MFNG: variants seen among roughly 807,000 people sequenced by gnomAD.
MFNG encodes MFNG O-fucosylpeptide 3-beta-N-acetylglucosaminyltransferase, also known as beta-1,3-N-acetylglucosaminyltransferase manic fringe.
Under a neutral mutation model 34.2 loss-of-function variants are expected in MFNG, and 24 were observed. That is an observed-to-expected ratio of 0.70 (90% CI 0.51 to 0.99). The LOEUF is 0.99. Ranked by LOEUF, MFNG falls within the 50% of genes least tolerant of loss-of-function variation. The pLI, the probability that MFNG is intolerant of heterozygous loss-of-function variation, is 0.00. For missense variants in MFNG, 383 were observed against 424.0 expected (o/e 0.90, Z 0.85); for synonymous variants, 158 against 179.2 (o/e 0.88, Z 0.94).
intron 4 of MFNG, among the ~76,000 whole-genome samples, chr22:37,477,549 C>T (rs375170350): frequency 2.2e-4 from 34 of 152,122 alleles, no homozygotes; most frequent in African/African-American, 7.5e-4. Context: ...CAGGTTCAAG[C>T]GATTCTCCAG....
rs769569519 is a variant in MFNG at position 37,480,788 on chromosome 22, G to A, written c.256-19C>T. On this transcript the variant is annotated intron_variant, in intron 1 of 7. Transcript: ENST00000356998. ...CAAATGTCTAGGAAGGAGAAGAAGG[G>A]GTCAGGACTCACATCGGCCCAAGGG... 7 of 1,612,028 alleles carry A rather than the reference G, an allele frequency of 4.3e-6. No individual in the cohort carries two copies. Among genetic ancestry groups the A allele is most frequent in the Non-Finnish European group, 5.9e-6 (7 of 1,179,118 alleles).
Position 37,470,991 on chromosome 22 carries a change from A to G in MFNG, c.900-962T>C, listed in dbSNP as rs138424778. On this transcript the variant is annotated intron_variant, in intron 7 of 7. Coordinates refer to ENST00000356998, the MANE Select transcript of MFNG (RefSeq NM_002405.4). Reference sequence around the variant, plus strand: ...CTCCTGCTAGCCCTTCAGGTCCTTCACGTTACCTCCTCACAGAAGCCTTCC... The same window carrying G: ...CTCCTGCTAGCCCTTCAGGTCCTTCGCGTTACCTCCTCACAGAAGCCTTCC... Among the ~76,000 whole-genome samples, 193 of 152,106 alleles carry G rather than the reference A, an allele frequency of 1.3e-3. 1 individual carries two copies. Among genetic ancestry groups the G allele is most frequent in the African/African-American group, 4.5e-3 (186 of 41,480 alleles).
At chr22:37,477,289 G>C (rs1922085728) in intron 4 of MFNG, among the ~76,000 whole-genome samples, 2 of 152,178 alleles carry the variant, frequency 1.3e-5, no homozygotes, top group Non-Finnish European at 2.9e-5. Flanking sequence ...CCCTGAGAAA[G>C]GTCTCTACCT....
intron 5 of MFNG, among the ~76,000 whole-genome samples, chr22:37,474,926 G>C (rs1921973603): frequency 6.6e-6 from 1 of 152,240 alleles, no homozygotes; most frequent in African/African-American, 2.4e-5. Context: ...GGAATGGGAA[G>C]GTGATGCCCT....
chr22:37,480,046 G>C, intron 3 of MFNG, 151 bp downstream of exon 3: 2 of 559,622 alleles, frequency 3.6e-6, no homozygotes, highest in Non-Finnish European at 3.1e-6. Context: ...ACCCAATCCT[G>C]AATGTCAGGA....
chr22:37,474,788 G>T, intron 5 of MFNG, 111 bp from the exon 6 acceptor site: 2 of 1,187,768 alleles, frequency 1.7e-6, no homozygotes, highest in Non-Finnish European at 2.4e-6. Context: ...CAGAGCACCT[G>T]CCTCCTGCAT....
Position 37,469,976 on chromosome 22 carries a change from A to G in MFNG, c.953T>C (p.Leu318Pro). The change falls in exon 8 of 8, where the codon CTG becomes CCG. Residue 318 changes from leucine to proline, a missense_variant. By Grantham distance (98) the Leu-to-Pro change is moderately conservative (BLOSUM62 -3). Transcript: ENST00000356998. ...LYPDTPWCPQ[L>P]GAR ...GCAGTTCAGGATTCATCGGGCACCCAGCTGGGGACACCAGGGTGTATCTGG... is the reference window on the plus strand; with the variant it reads ...GCAGTTCAGGATTCATCGGGCACCCGGCTGGGGACACCAGGGTGTATCTGG... 1 of 1,608,072 alleles carries G rather than the reference A, an allele frequency of 6.2e-7. No homozygotes were observed. Among genetic ancestry groups the G allele is most frequent in the South Asian group, 1.1e-5 (1 of 89,746 alleles).
intron 5 of MFNG, among the ~76,000 whole-genome samples, chr22:37,476,646 G>A (rs1437741136): frequency 3.9e-5 from 6 of 152,266 alleles, no homozygotes; most frequent in South Asian, 4.1e-4. Flanking sequence ...ATGTGCCGAC[G>A]GGGGGACTGG....
Position 37,486,230 on chromosome 22 carries a change from G to A in MFNG, c.-53C>T, listed in dbSNP as rs929622316. On this transcript the variant is annotated 5_prime_UTR_variant, in exon 1 of 8. Coordinates refer to ENST00000356998, the MANE Select transcript of MFNG (RefSeq NM_002405.4). ...CAGCCCCCAAATCCCAACCAGACAGGGAGGGGAAGCTGGTCAGGCAGGGGC... is the reference window on the plus strand; with the variant it reads ...CAGCCCCCAAATCCCAACCAGACAGAGAGGGGAAGCTGGTCAGGCAGGGGC... 1.3e-5 allele frequency: 19 copies of A among 1,464,576 alleles called. No homozygotes were observed. The African/African-American group carries it at 1.6e-4, about 12-fold the overall frequency. The allele number at this position is 1,464,576 out of a possible 1,614,324, so 90.7% of individuals were successfully genotyped here.
intron 1 of MFNG, chr22:37,484,402 G>C (rs1922443366): frequency 7.6e-6 from 1 of 130,880 alleles, no homozygotes; most frequent in African/African-American, 2.6e-5. Flanking sequence ...AAGGGTGAGA[G>C]ACGTGGGGTA....
chr22:37,479,651 G>A (rs560542110), intron 3 of MFNG, among the ~76,000 whole-genome samples, 153 bp from the exon 4 acceptor site: 1 of 152,296 alleles, frequency 6.6e-6, no homozygotes, highest in South Asian at 2.1e-4. Context: ...GTTGCATATT[G>A]TGTAAGCTCA....
Position 37,479,502 on chromosome 22 carries a change from T to A in MFNG, c.408-4A>T, listed in dbSNP as rs1922193313. 1.2e-6 allele frequency: 2 copies of A among 1,609,058 alleles called. No homozygotes were observed. The highest frequency in any genetic ancestry group is 2.7e-5 in the African/African-American group (2 of 74,476). On this transcript the variant is annotated splice_region_variant and splice_polypyrimidine_tract_variant and intron_variant, in intron 3 of 7. Transcript: ENST00000356998. ...ATCGTCCACATGGCAGAACCACCTG[T>A]AGGGATGAAACGGGGACAGTGAACT...
chr22:37,478,960 T>C (rs911002768), intron 4 of MFNG, among the ~76,000 whole-genome samples: 1 of 152,174 alleles, frequency 6.6e-6, no homozygotes, highest in African/African-American at 2.4e-5. Context: ...ATTACAGGCA[T>C]GAGCCACTGC....
At chr22:37,474,453 G>A (rs955011195) in intron 6 of MFNG, 59 bp downstream of exon 6, 13 of 1,583,868 alleles carry the variant, frequency 8.2e-6, no homozygotes, top group Non-Finnish European at 1.0e-5. Context: ...GGGTTGGGGG[G>A]ACCCCATGTT....
Position 37,485,554 on chromosome 22 carries a change from C to T in MFNG, c.255+369G>A, listed in dbSNP as rs1316098558. Among the ~76,000 whole-genome samples, 1 of 152,186 alleles carries T rather than the reference C, an allele frequency of 6.6e-6. No homozygotes were observed. The highest frequency in any genetic ancestry group is 2.4e-5 in the African/African-American group (1 of 41,442). ...AGGCCTCCACCCCAGCTGCCCAACA[C>T]CCACCATTACCCCTGATGCCAGGCT... is the stretch of plus-strand genomic sequence containing the variant. On this transcript the variant is annotated intron_variant, in intron 1 of 7. Coordinates refer to ENST00000356998, the MANE Select transcript of MFNG (RefSeq NM_002405.4). The surrounding 1 kb of genome is among the most constrained non-coding windows in gnomAD (Gnocchi z 5.3).
chr22:37,470,118 G>A, intron 7 of MFNG, 89 bp from the exon 8 acceptor site: 1 of 988,962 alleles, frequency 1.0e-6, no homozygotes, highest in South Asian at 1.5e-5. Context: ...CACAGAGGCG[G>A]TTTGGAGCAG....
At position 37,474,610 on chromosome 22, in the gene MFNG, T is replaced by A. The variant is rs761609677; in HGVS notation, c.715A>T (p.Ile239Phe). 6.2e-7 allele frequency: 1 copy of A among 1,613,916 alleles called. No individual in the cohort carries two copies. Among genetic ancestry groups the A allele is most frequent in the South Asian group, 1.1e-5 (1 of 91,074 alleles). The change falls in exon 6 of 8, where the codon ATT (isoleucine) becomes TTT (phenylalanine). Residue 239 changes from isoleucine to phenylalanine, a missense_variant. Coordinates refer to ENST00000356998, the MANE Select transcript of MFNG (RefSeq NM_002405.4). The stretch of plus-strand genomic sequence containing the variant: ...AGGCGGCCGCCCAGCTTGCACTCAA[T>A]GATATAGCCCATGGTGCAGTCATCA... ...LPDDCTMGYIIECKLGGRLQP... is the reference protein window; with the variant it reads ...LPDDCTMGYIFECKLGGRLQP...
intron 7 of MFNG, among the ~76,000 whole-genome samples, 195 bp downstream of exon 7, chr22:37,472,248 G>T (rs1265766686): frequency 6.6e-6 from 1 of 152,056 alleles, no homozygotes; most frequent in African/African-American, 2.4e-5. Flanking sequence ...TCCCAGAGAG[G>T]GCAAGACACT....
rs530065571 is a variant in MFNG at position 37,475,671 on chromosome 22, TACTCCCCTCCCCAGCCTGC to T, written c.648-1013_648-995del. ...CAAGTGGGTGTGGAAATCCAGCCTGTACTCCCCTCCCCAGCCTGCACTCCCCTCCCCAGCCTGCACTCCC... is the reference window on the plus strand; with the variant it reads ...CAAGTGGGTGTGGAAATCCAGCCTGTACTCCCCTCCCCAGCCTGCACTCCC... On this transcript the variant is annotated intron_variant, in intron 5 of 7. Coordinates refer to ENST00000356998, the MANE Select transcript of MFNG (RefSeq NM_002405.4). 4.2e-3 allele frequency among the ~76,000 whole-genome samples: 641 copies of T among 151,730 alleles called. 3 individuals carry two copies. The highest frequency in any genetic ancestry group is 0.014 in the African/African-American group (574 of 41,346).
Sources: allele counts gnomAD v4.1 joint callset (sites outside exome capture counted in the v4.1 genomes callset), GRCh38; gene constraint gnomAD v4.1.1; non-coding constraint Gnocchi (gnomAD v3.1); transcripts MANE v1.5; gene names NCBI Gene and HGNC (gene_info 2026-07-23, HGNC 2026-07-21).